PCDHA8: variants seen among roughly 807,000 people sequenced by gnomAD.
The protein encoded by PCDHA8 is protocadherin alpha-8.
PCDHA8 carries 53 observed loss-of-function variants against 61.8 expected under a neutral mutation model. The observed-to-expected ratio is 0.86, with a 90% CI of 0.69 to 1.08. The LOEUF is 1.08. Ranked by LOEUF, PCDHA8 falls within the 50% of genes least tolerant of loss-of-function variation. The probability of loss-of-function intolerance (pLI) is 0.00; values close to 1 mark genes in which losing one functional copy is unlikely to be tolerated. For missense variants in PCDHA8, 1,293 were observed against 1,245.0 expected (o/e 1.04, Z -0.58); for synonymous variants, 618 against 556.6 (o/e 1.11, Z -1.55).
chr5:140,948,959 C>T (rs1315047565), intron 1 of PCDHA8, among the ~76,000 whole-genome samples: 13 of 151,622 alleles, frequency 8.6e-5, no homozygotes, highest in South Asian at 6.2e-4. Context: ...ATTAAAGCCA[C>T]GAATTTATTA....
chr5:140,967,733 C>A (rs1473723959), intron 1 of PCDHA8: 1 of 1,614,024 alleles, frequency 6.2e-7, no homozygotes, highest in Non-Finnish European at 8.5e-7. Flanking sequence ...AATTGGGGGG[C>A]TGGATTATGA....
chr5:140,973,782 C>T lies in PCDHA8; in HGVS notation c.2395-5167C>T, dbSNP rs533593200. ...CACAGCCTGGCATATTATAGGTTGCCTATTGGCATGCTGTCTACTTGACAG... is the reference window on the plus strand; with the variant it reads ...CACAGCCTGGCATATTATAGGTTGCTTATTGGCATGCTGTCTACTTGACAG... On this transcript the variant is annotated intron_variant, in intron 1 of 3. Transcript: ENST00000531613. 1.5e-3 allele frequency among the ~76,000 whole-genome samples: 225 copies of T among 152,326 alleles called. 1 individual carries two copies. Among genetic ancestry groups the T allele is most frequent in the African/African-American group, 5.2e-3 (216 of 41,582 alleles).
At chr5:140,922,841 A>G (rs982832745) in intron 1 of PCDHA8, among the ~76,000 whole-genome samples, 67 of 152,372 alleles carry the variant, frequency 4.4e-4, no homozygotes, top group African/African-American at 1.5e-3. Flanking sequence ...GATGTCCTCA[A>G]AGAGACCAAA....
chr5:140,934,612 T>G (rs2089946859), intron 1 of PCDHA8, among the ~76,000 whole-genome samples: 1 of 152,184 alleles, frequency 6.6e-6, no homozygotes, highest in South Asian at 2.1e-4. Flanking sequence ...TTGATTAGCC[T>G]GAGGTACAGT....
chr5:140,929,078 G>A lies in PCDHA8; in HGVS notation c.2395-49871G>A, dbSNP rs144524128. On this transcript the variant is annotated intron_variant, in intron 1 of 3. Coordinates refer to ENST00000531613, the MANE Select transcript of PCDHA8 (RefSeq NM_018911.3). ...TCTACAGAGGATCTGAGGTATGGAA[G>A]TAAGATGGTTTCAAATCCTTGCATG... 20 of 1,614,208 alleles carry A rather than the reference G, an allele frequency of 1.2e-5. No individual in the cohort carries two copies. The African/African-American group carries it at 2.3e-4, about 18-fold the overall frequency.
At chr5:140,855,178 G>C (rs1170062889) in intron 1 of PCDHA8, among the ~76,000 whole-genome samples, 2 of 149,594 alleles carry the variant, frequency 1.3e-5, no homozygotes, top group African/African-American at 4.9e-5. Flanking sequence ...AAACAAATGT[G>C]GCCAAATTGA....
At chr5:140,847,783 T>G (rs1360011396) in intron 1 of PCDHA8, 1 of 149,840 alleles carries the variant, frequency 6.7e-6, no homozygotes, top group Non-Finnish European at 1.5e-5. Flanking sequence ...TCGCTTTTCT[T>G]GCAATATTTT....
intron 1 of PCDHA8, chr5:140,967,345 CGAGCTG>C (rs1443872198): frequency 1.2e-6 from 2 of 1,607,634 alleles, no homozygotes; most frequent in Non-Finnish European, 1.7e-6. Context: ...GCGAGCACTT[CGAGCTG>C]GACCTTAAGC....
intron 1 of PCDHA8, chr5:140,884,384 G>C: frequency 6.2e-7 from 1 of 1,613,972 alleles, no homozygotes; most frequent in Non-Finnish European, 8.5e-7. Context: ...TGCCATCTGC[G>C]CGGTGTCCAG....
rs1554139873 is a variant in PCDHA8 at position 140,843,219 on chromosome 5, C to T, written c.1898C>T (p.Thr633Ile). Reference sequence around the variant, plus strand: ...GGGCTGTACACGGGCGAGATCAGCACCACTCGTGTCCTGGACGAAGCGGAC... The same window carrying T: ...GGGCTGTACACGGGCGAGATCAGCATCACTCGTGTCCTGGACGAAGCGGAC... ...RVGLYTGEIS[T>I]TRVLDEADSP... Residue 633 changes from threonine (T) to isoleucine (I), a missense_variant, in exon 1 of 4, where the codon ACC becomes ATC. Coordinates refer to ENST00000531613, the MANE Select transcript of PCDHA8 (RefSeq NM_018911.3). The T allele has an allele frequency of 6.3e-7, 1 of 1,596,090 alleles. No homozygotes were observed. The highest frequency in any genetic ancestry group is 2.2e-5 in the East Asian group (1 of 44,818).
chr5:140,875,252 C>T, intron 1 of PCDHA8: 1 of 1,041,204 alleles, frequency 9.6e-7, no homozygotes, highest in East Asian at 2.7e-5. Context: ...TAATCAGTCA[C>T]ATGATGTCGC....
Position 140,841,274 on chromosome 5 carries a change from C to G in PCDHA8, c.-48C>G. 1.8e-5 allele frequency: 28 copies of G among 1,518,248 alleles called. No homozygotes were observed. Among genetic ancestry groups the G allele is most frequent in the Non-Finnish European group, 1.7e-5 (19 of 1,130,460 alleles). 94.0% of individuals were successfully genotyped at this position (1,518,248 alleles called of 1,614,324 possible). ...AAAAGACTCTGAAAGTACAGTCGTT[C>G]ATCTTTATATTAAGATAATATTTTC... On this transcript the variant is annotated 5_prime_UTR_variant, in exon 1 of 4. Transcript: ENST00000531613.
intron 1 of PCDHA8, among the ~76,000 whole-genome samples, chr5:140,932,100 CTG>C (rs2088033860): frequency 6.6e-6 from 1 of 151,792 alleles, no homozygotes; most frequent in African/African-American, 2.4e-5. Context: ...GTTTTTATCT[CTG>C]TATTTCCAAT....
intron 3 of PCDHA8, among the ~76,000 whole-genome samples, chr5:141,003,811 C>G (rs1490096042): frequency 1.3e-5 from 2 of 152,114 alleles, no homozygotes; most frequent in African/African-American, 4.8e-5. Context: ...AATCTGTAGT[C>G]TGGGAAGGGC....
intron 1 of PCDHA8, chr5:140,884,747 T>A: frequency 7.0e-7 from 1 of 1,433,190 alleles, no homozygotes; most frequent in African/African-American, 1.4e-5. Context: ...TCCTGCCAAT[T>A]TCAAATTATT....
chr5:140,947,704 G>T (rs1199039011), intron 1 of PCDHA8, among the ~76,000 whole-genome samples: 2 of 151,488 alleles, frequency 1.3e-5, no homozygotes, highest in East Asian at 3.9e-4. Flanking sequence ...GTAGTTTTAA[G>T]TATTGAGGTT....
At chr5:140,968,982 C>G in intron 1 of PCDHA8, 1 of 1,614,226 alleles carries the variant, frequency 6.2e-7, no homozygotes, top group Non-Finnish European at 8.5e-7. Flanking sequence ...GCGTATGGCA[C>G]TGCATGCTGT....
At chr5:140,983,740 C>A (rs1250895126) in intron 3 of PCDHA8, among the ~76,000 whole-genome samples, 1 of 152,190 alleles carries the variant, frequency 6.6e-6, no homozygotes, top group African/African-American at 2.4e-5. Context: ...GGCTGGCTTG[C>A]AATAATCCAT....
intron 1 of PCDHA8, chr5:140,856,888 TA>T (rs782463832): frequency 1.3e-6 from 2 of 1,596,688 alleles, no homozygotes; most frequent in Non-Finnish European, 1.7e-6. Context: ...TGTATTCATT[TA>T]GCTCTTTGGT....
Sources: allele counts gnomAD v4.1 joint callset (sites outside exome capture counted in the v4.1 genomes callset), GRCh38; gene constraint gnomAD v4.1.1; transcripts MANE v1.5; gene names NCBI Gene and HGNC (gene_info 2026-07-23, HGNC 2026-07-21).